FRMPD4: variants seen among roughly 807,000 people sequenced by gnomAD.
The protein encoded by FRMPD4 is FERM and PDZ domain-containing protein 4.
FRMPD4 carries 22 observed loss-of-function variants against 94.1 expected under a neutral mutation model. The ratio of observed to expected loss-of-function variants is 0.23; its 90% confidence interval spans 0.17 to 0.33. The LOEUF (loss-of-function observed/expected upper bound fraction) is 0.33, where lower values mean the gene tolerates loss of function less well. Among genes scored for constraint, FRMPD4 ranks in the 10% least tolerant of loss-of-function variants. FRMPD4 has a pLI of 1.00. For synonymous variants in FRMPD4, 631 were observed against 548.6 expected, an observed-to-expected ratio of 1.15 and a Z score of -2.10; for missense variants, 1,111 against 1,339.9, an observed-to-expected ratio of 0.83 and a Z score of 2.67.
At chrX:11,843,863 C>A (rs998047669) in intron 1 of FRMPD4, among the ~76,000 whole-genome samples, 2 of 111,178 alleles carry the variant, frequency 1.8e-5, no homozygotes, top group Non-Finnish European at 3.8e-5. Context: ...TTTAACATTT[C>A]TTATGCTCTT....
At chrX:12,679,991 G>A (rs1029414781) in intron 5 of FRMPD4, among the ~76,000 whole-genome samples, 2 of 111,955 alleles carry the variant, frequency 1.8e-5, no homozygotes, top group South Asian at 3.8e-4. Context: ...AACTGTAGGC[G>A]AGTCTTCACC....
chrX:12,084,185 G>A (rs778957561), intron 3 of FRMPD4, among the ~76,000 whole-genome samples: 1 of 96,949 alleles, frequency 1.0e-5, no homozygotes, highest in African/African-American at 3.8e-5. Flanking sequence ...AGTGGGGGGG[G>A]GGGTAATTGA....
intron 16 of FRMPD4, among the ~76,000 whole-genome samples, chrX:12,719,094 G>C (rs2042168366): frequency 8.9e-6 from 1 of 112,467 alleles, no homozygotes; most frequent in Non-Finnish European, 1.9e-5. Context: ...GTGACTTTTA[G>C]TTATATGATA....
At position 12,489,253 on chromosome X, in the gene FRMPD4, CAAG is replaced by C. The variant is rs931193050; in HGVS notation, c.42-9422_42-9420del. On this transcript the variant is annotated intron_variant, in intron 1 of 16. Transcript: ENST00000675598. Reference sequence around the variant, plus strand: ...AGGATTCTAAGTTTTTAGGCAAAGTCAAGAAGATTAAGTAAACTACAGTCTAGA... The same window carrying C: ...AGGATTCTAAGTTTTTAGGCAAAGTCAAGATTAAGTAAACTACAGTCTAGA... Among the ~76,000 whole-genome samples, 54 of 111,755 alleles carry C rather than the reference CAAG, an allele frequency of 4.8e-4. No individual in the cohort carries two copies. In the Middle Eastern group the frequency reaches 0.019, roughly 39 times the overall value.
chrX:12,547,011 TAAAAAAAAAA>T (rs57946725), intron 2 of FRMPD4, among the ~76,000 whole-genome samples: 495 of 33,768 alleles, frequency 0.015, 9 homozygotes, highest in African/African-American at 0.056. Flanking sequence ...ACTGTCTCTT[TAAAAAAAAAA>T]AAAAAAAAAA....
intron 2 of FRMPD4, among the ~76,000 whole-genome samples, chrX:12,504,423 C>T (rs994820054): frequency 8.9e-6 from 1 of 112,573 alleles, no homozygotes; most frequent in Admixed American, 9.4e-5. Flanking sequence ...CAATGAGTTC[C>T]TAGATCCCAA....
At chrX:12,129,268 C>G (rs1391908155) in intron 3 of FRMPD4, among the ~76,000 whole-genome samples, 3 of 111,460 alleles carry the variant, frequency 2.7e-5, no homozygotes, top group African/African-American at 9.8e-5. Flanking sequence ...GTTGGGGAGG[C>G]CTCAGGAAAC....
chrX:12,002,372 C>A (rs980033373), intron 3 of FRMPD4, among the ~76,000 whole-genome samples: 1 of 111,517 alleles, frequency 9.0e-6, no homozygotes, highest in African/African-American at 3.3e-5. Flanking sequence ...TCAGCAGTTG[C>A]AGAAATGTGG....
rs954409563 is a variant in FRMPD4, at chrX:12,155,294, C to T, written c.41+16282C>T. 6.3e-5 allele frequency among the ~76,000 whole-genome samples: 7 copies of T among 111,790 alleles called. No individual in the cohort carries two copies. The South Asian group carries it at 1.5e-3, about 24-fold the overall frequency. ...AAAACATCCATCTGAATATCATACC[C>T]GTATTCTGGTAGAAATATATTATCC... On this transcript the variant is annotated intron_variant, in intron 1 of 16. Coordinates refer to ENST00000675598, the MANE Select transcript of FRMPD4 (RefSeq NM_001368397.1).
At chrX:12,645,347 C>CTTTTTTTTTTTTTTTTTT (rs138817056) in intron 4 of FRMPD4, among the ~76,000 whole-genome samples, 7 of 55,642 alleles carry the variant, frequency 1.3e-4, no homozygotes, top group African/African-American at 6.0e-4. Flanking sequence ...CACTCTCACT[C>CTTTTTTTTTTTTTTTTTT]TTTTTTTTTT....
At chrX:12,010,175 G>A (rs1316665490) in intron 3 of FRMPD4, among the ~76,000 whole-genome samples, 1 of 111,770 alleles carries the variant, frequency 8.9e-6, no homozygotes, top group Non-Finnish European at 1.9e-5. Flanking sequence ...CCATAGGCAA[G>A]TCTCTGTGCC....
At chrX:12,665,836 G>A (rs1006935501) in intron 4 of FRMPD4, among the ~76,000 whole-genome samples, 3 of 111,740 alleles carry the variant, frequency 2.7e-5, no homozygotes, top group East Asian at 2.8e-4. Context: ...AATTGTAAAG[G>A]CCATTGACAC....
chrX:11,953,562 G>T (rs2054237645), intron 3 of FRMPD4, among the ~76,000 whole-genome samples: 1 of 111,659 alleles, frequency 9.0e-6, no homozygotes, highest in Non-Finnish European at 1.9e-5. Flanking sequence ...GTGGGGGATT[G>T]TTGCATATGG....
intron 1 of FRMPD4, among the ~76,000 whole-genome samples, chrX:12,418,358 T>TC (rs2056837263): frequency 9.7e-6 from 1 of 103,508 alleles, no homozygotes; most frequent in South Asian, 4.4e-4. Flanking sequence ...TTCTTTTTTT[T>TC]TTTTTTTTTT....
intron 1 of FRMPD4, among the ~76,000 whole-genome samples, chrX:12,142,212 A>G (rs1212091453): frequency 8.1e-5 from 9 of 111,652 alleles, no homozygotes; most frequent in Non-Finnish European, 9.4e-5. Context: ...TTATAGTTGC[A>G]TGGGTTATTT....
At position 11,901,246 on chromosome X, in the gene FRMPD4, C is replaced by G. The variant is rs751465748; in HGVS notation, c.95+23228C>G. Reference sequence around the variant, plus strand: ...ATATGTAGTATTTTATCCTTCACCCCCTCCCAACCTTCCCCTTCACTGAGT... The same window carrying G: ...ATATGTAGTATTTTATCCTTCACCCGCTCCCAACCTTCCCCTTCACTGAGT... On this transcript the variant is annotated intron_variant, in intron 3 of 18. Transcript: ENST00000640291. 1.1e-4 allele frequency among the ~76,000 whole-genome samples: 12 copies of G among 111,354 alleles called. No homozygotes were observed. The East Asian group carries it at 3.1e-3, about 29-fold the overall frequency.
At chrX:12,123,123 C>CTTT (rs58251577) in intron 3 of FRMPD4, among the ~76,000 whole-genome samples, 22 of 84,233 alleles carry the variant, frequency 2.6e-4, no homozygotes, top group Admixed American at 8.3e-4. Flanking sequence ...ATTTTCTTTT[C>CTTT]TTTTTTTTTT....
chrX:12,221,054 T>C (rs1024503972), intron 1 of FRMPD4, among the ~76,000 whole-genome samples: 1 of 112,236 alleles, frequency 8.9e-6, no homozygotes, highest in Non-Finnish European at 1.9e-5. Context: ...TAGATGTACC[T>C]TCCTTCAAAT....
At chrX:12,280,665 A>C (rs893925721) in intron 1 of FRMPD4, among the ~76,000 whole-genome samples, 1 of 111,722 alleles carries the variant, frequency 9.0e-6, no homozygotes, top group Non-Finnish European at 1.9e-5. Context: ...GAGAGGAAAA[A>C]TTCTGCTCAT....
Sources: gnomAD v4.1 joint callset for allele counts (sites outside exome capture counted in the v4.1 genomes callset) on GRCh38, gnomAD v4.1.1 for gene constraint, MANE v1.5 for transcripts, NCBI Gene and HGNC (gene_info 2026-07-23, HGNC 2026-07-21) for gene names.